ADCK5: variants seen among roughly 807,000 people sequenced by gnomAD.
ADCK5 encodes aarF domain containing kinase 5.
A neutral mutation model predicts 64.9 loss-of-function variants in ADCK5; 43 were observed. The observed-to-expected ratio is 0.66, with a 90% CI of 0.52 to 0.85. ADCK5 has a LOEUF of 0.85. Among genes scored for constraint, ADCK5 ranks in the 40% least tolerant of loss-of-function variants. The pLI, the probability that ADCK5 is intolerant of heterozygous loss-of-function variation, is 0.00. For synonymous variants in ADCK5, 434 were observed against 342.8 expected (o/e 1.27, Z -2.94); for missense variants, 760 against 810.5 (o/e 0.94, Z 0.76).
Position 144,392,010 on chromosome 8 carries a change from C to A in ADCK5, c.1084C>A (p.His362Asn). Reference protein sequence around the residue: ...FYTGFIHSDPHPGNVLVRKGP... With the variant: ...FYTGFIHSDPNPGNVLVRKGP... ...CACCGGCTTCATCCACTCGGACCCA[C>A]ATCCTGGCAACGGTAGGAATTTACC... Residue 362 changes from histidine to asparagine, a missense_variant, in exon 10 of 15, where the codon CAT (histidine) becomes AAT (asparagine). By Grantham distance (68) the His-to-Asn change is moderately conservative. This residue lies in a region of ADCK5 where 427 missense variants were observed against 518.4 expected (regional missense o/e 0.82). Coordinates refer to ENST00000308860, the MANE Select transcript of ADCK5 (RefSeq NM_174922.5). 1.2e-6 allele frequency: 2 copies of A among 1,612,714 alleles called. No individual in the cohort carries two copies. The highest frequency in any genetic ancestry group is 1.7e-6 in the Non-Finnish European group (2 of 1,179,968).
At chr8:144,380,118 G>A (rs957614270) in intron 2 of ADCK5, among the ~76,000 whole-genome samples, 18 of 151,952 alleles carry the variant, frequency 1.2e-4, no homozygotes, top group African/African-American at 3.4e-4. Context: ...GTGCTCAGGC[G>A]CCTGCGGCTG....
intron 7 of ADCK5, 43 bp from the exon 8 acceptor site, chr8:144,391,537 G>A: frequency 6.3e-7 from 1 of 1,584,666 alleles, no homozygotes. Flanking sequence ...GGTAGGAGCA[G>A]CTGGTAGGCA....
intron 12 of ADCK5, 27 bp from the exon 13 acceptor site, chr8:144,392,418 T>TGCCC: frequency 2.5e-6 from 2 of 799,196 alleles, no homozygotes; most frequent in South Asian, 1.9e-5. Flanking sequence ...CAGAGCCCCC[T>TGCCC]CCCTCCCTCC....
intron 3 of ADCK5, chr8:144,389,410 A>T (rs1184069649): frequency 8.8e-6 from 4 of 455,018 alleles, no homozygotes; most frequent in Non-Finnish European, 1.8e-5. Context: ...CTTCACAGAC[A>T]GCCTTGGAAC....
In ADCK5 at chr8:144,391,444, C is replaced by T. The variant is rs1820222128; in HGVS notation, c.768C>T (p.His256=). ...ELLLRLVEVM[H]PSFGFSWVLQ... is the part of the protein sequence containing the mutation. ...TGCTGCGGCTCGTTGAGGTCATGCA[C>T]CCCAGCTTTGGCTTCAGCTGGGTCC... The change falls in exon 7 of 15, where the codon CAC becomes CAT. Residue 256 remains histidine (H), a synonymous_variant. Transcript: ENST00000308860. The T allele has an allele frequency of 6.2e-7, 1 of 1,612,332 alleles. No homozygotes were observed. The highest frequency in any genetic ancestry group is 8.5e-7 in the Non-Finnish European group (1 of 1,179,866).
rs782433607 is a variant in ADCK5, at chr8:144,391,935, C to T, written c.1015-6C>T. 1.9e-6 allele frequency: 3 copies of T among 1,612,480 alleles called. No homozygotes were observed. The highest frequency in any genetic ancestry group is 2.5e-6 in the Non-Finnish European group (3 of 1,179,988). On this transcript the variant is annotated splice_polypyrimidine_tract_variant and splice_region_variant and intron_variant, in intron 9 of 14. Transcript: ENST00000308860. Reference sequence around the variant, plus strand: ...GTGTCCACTGCAATGCCTCTCCTCTCCCCAGATAGCAGAAAAGCTCATCAA... The same window carrying T: ...GTGTCCACTGCAATGCCTCTCCTCTTCCCAGATAGCAGAAAAGCTCATCAA...
At chr8:144,383,293 A>AT in intron 3 of ADCK5, 63 bp downstream of exon 3, 1 of 1,472,178 alleles carries the variant, frequency 6.8e-7, no homozygotes, top group South Asian at 1.4e-5. Context: ...GCGGTGCAGG[A>AT]TTGCCTGCTC....
At chr8:144,374,035 C>G, upstream of ADCK5, 1 of 1,242,834 alleles carries the variant, frequency 8.0e-7, no homozygotes, top group Non-Finnish European at 1.0e-6. Context: ...CCCGCAGGGC[C>G]TGCTGGGCTG....
intron 1 of ADCK5, among the ~76,000 whole-genome samples, chr8:144,374,717 C>T (rs909311707): frequency 7.9e-5 from 12 of 152,270 alleles, no homozygotes; most frequent in Admixed American, 4.6e-4. Flanking sequence ...CCTGCCCTGC[C>T]CTGAGGCGGC....
Position 144,392,145 on chromosome 8 carries a change from G to A in ADCK5, c.1150G>A (p.Gly384Arg). 1.2e-6 allele frequency: 2 copies of A among 1,605,276 alleles called. No individual in the cohort carries two copies. The highest frequency in any genetic ancestry group is 1.7e-6 in the Non-Finnish European group (2 of 1,177,392). Residue 384 changes from glycine to arginine, a missense_variant, in exon 11 of 15, where the codon GGG becomes AGG. This residue lies in a region of ADCK5 where 333 missense variants were observed against 292.0 expected (regional missense o/e 1.14). Transcript: ENST00000308860. ...AGCGGAGCTGGTGCTGCTGGACCAC[G>A]GGCTCTACCAGTTCCTGGAGGAGAA... ...GKAELVLLDH[G>R]LYQFLEEKDR...
intron 1 of ADCK5, chr8:144,375,767 G>A (rs1182186517): frequency 4.4e-6 from 3 of 678,844 alleles, no homozygotes; most frequent in East Asian, 1.4e-4. Context: ...AAGCATGAGA[G>A]GTTCTGACAG....
chr8:144,392,334 T>TGGGGGTGCAAGGTGA lies in ADCK5; in HGVS notation c.1260_1267+7dup. On this transcript the variant is annotated inframe_insertion, in exon 12 of 15. Transcript: ENST00000308860. ...GCCATGAGGGCGCACGCAGCCGCACTGGGGGTGCAAGGTGAGGGCGTGCGG... is the reference window on the plus strand; with the variant it reads ...GCCATGAGGGCGCACGCAGCCGCACTGGGGGTGCAAGGTGAGGGGGTGCAAGGTGAGGGCGTGCGG... The TGGGGGTGCAAGGTGA allele has an allele frequency of 0.53, 778,016 of 1,476,702 alleles. 212,897 individuals carry two copies. The highest frequency in any genetic ancestry group is 0.61 in the Middle Eastern group (2,749 of 4,488). The allele number at this position is 1,476,702 out of a possible 1,614,324, so 91.5% of individuals were successfully genotyped here.
rs1279942982 is a variant in ADCK5 at position 144,392,131 on chromosome 8, T to C, written c.1136T>C (p.Val379Ala). ...GGCCCGGACGGGAAAGCGGAGCTGGTGCTGCTGGACCACGGGCTCTACCAG... is the reference window on the plus strand; with the variant it reads ...GGCCCGGACGGGAAAGCGGAGCTGGCGCTGCTGGACCACGGGCTCTACCAG... Reference protein sequence around the residue: ...RKGPDGKAELVLLDHGLYQFL... With the variant: ...RKGPDGKAELALLDHGLYQFL... The change falls in exon 11 of 15, where the codon GTG (valine) becomes GCG (alanine). Residue 379 changes from valine (V) to alanine (A), a missense_variant. Physicochemically the swap from Val to Ala is moderately conservative, Grantham distance 64. Coordinates refer to ENST00000308860, the MANE Select transcript of ADCK5 (RefSeq NM_174922.5). The C allele has an allele frequency of 6.5e-7, 1 of 1,544,726 alleles. No individual in the cohort carries two copies. Among genetic ancestry groups the C allele is most frequent in the African/African-American group, 1.4e-5 (1 of 71,692 alleles).
chr8:144,379,023 TC>T (rs1235994636), intron 1 of ADCK5, among the ~76,000 whole-genome samples: 1 of 150,622 alleles, frequency 6.6e-6, no homozygotes, highest in Non-Finnish European at 1.5e-5. Flanking sequence ...AACCTCTGCC[TC>T]CCGGGTTCAA....
chr8:144,381,572 C>A (rs1165137962), intron 2 of ADCK5, among the ~76,000 whole-genome samples: 9 of 89,586 alleles, frequency 1.0e-4, no homozygotes, highest in Admixed American at 3.5e-4. Context: ...CTGCCGCACT[C>A]AGGATTATGG....
Position 144,391,371 on chromosome 8 carries a change from T to C in ADCK5, c.695T>C (p.Ile232Thr). Residue 232 changes from isoleucine to threonine, a missense_variant, in exon 7 of 15, where the codon ATC becomes ACC. This residue lies in a region of ADCK5 where 427 missense variants were observed against 518.4 expected (regional missense o/e 0.82). Coordinates refer to ENST00000308860, the MANE Select transcript of ADCK5 (RefSeq NM_174922.5). Reference sequence around the variant, plus strand: ...CCTCGCCCAGTGCAGGTGCAGTACATCGACCTGCGGGACCGCTTTGATGGG... The same window carrying C: ...CCTCGCCCAGTGCAGGTGCAGTACACCGACCTGCGGGACCGCTTTGATGGG... ...GTSVAVKVQYIDLRDRFDGDI... is the reference protein window; with the variant it reads ...GTSVAVKVQYTDLRDRFDGDI... The C allele has an allele frequency of 6.2e-7, 1 of 1,613,116 alleles. No individual in the cohort carries two copies. Among genetic ancestry groups the C allele is most frequent in the Non-Finnish European group, 8.5e-7 (1 of 1,179,988 alleles).
intron 12 of ADCK5, 28 bp from the exon 13 acceptor site, chr8:144,392,417 C>CGCCCCG: frequency 7.5e-7 from 1 of 1,325,716 alleles, no homozygotes; most frequent in Non-Finnish European, 9.8e-7. Flanking sequence ...TCAGAGCCCC[C>CGCCCCG]TCCCTCCCTC....
At chr8:144,377,987 G>T (rs1261396854) in intron 1 of ADCK5, among the ~76,000 whole-genome samples, 1 of 152,178 alleles carries the variant, frequency 6.6e-6, no homozygotes, top group Non-Finnish European at 1.5e-5. Flanking sequence ...GCAGGGATGG[G>T]GTGGGTCCCA....
intron 3 of ADCK5, chr8:144,389,176 A>T (rs1586591911): frequency 2.3e-6 from 1 of 439,314 alleles, no homozygotes; most frequent in East Asian, 7.1e-5. Flanking sequence ...CCTCTTGCCT[A>T]AATCTCCCCC....
Sources: allele counts gnomAD v4.1 joint callset (sites outside exome capture counted in the v4.1 genomes callset), GRCh38; gene constraint gnomAD v4.1.1; regional missense constraint gnomAD v4.1.1; transcripts MANE v1.5; gene names NCBI Gene and HGNC (gene_info 2026-07-23, HGNC 2026-07-21).